RNF220: variants seen among roughly 807,000 people sequenced by gnomAD.
RNF220 encodes ring finger protein 220.
A neutral mutation model predicts 67.1 loss-of-function variants in RNF220; 7 were observed. The observed-to-expected ratio is 0.10, with a 90% confidence interval of 0.06 to 0.20. The LOEUF (loss-of-function observed/expected upper bound fraction) is 0.20, where lower values mean the gene tolerates loss of function less well. Ranked by LOEUF, RNF220 falls within the 10% of genes least tolerant of loss-of-function variation. RNF220 has a pLI of 1.00. For missense variants in RNF220, 565 were observed against 740.3 expected (o/e 0.76, Z 2.75); for synonymous variants, 270 against 283.2 (o/e 0.95, Z 0.47).
chr1:44,506,768 G>A (rs533129546), intron 2 of RNF220, among the ~76,000 whole-genome samples: 1 of 152,328 alleles, frequency 6.6e-6, no homozygotes, highest in South Asian at 2.1e-4. Context: ...GACTTGCCCG[G>A]TGTGGTAAAT....
At chr1:44,614,521 C>T (rs564043066) in intron 3 of RNF220, among the ~76,000 whole-genome samples, 6 of 152,200 alleles carry the variant, frequency 3.9e-5, no homozygotes, top group African/African-American at 1.4e-4. Flanking sequence ...AGTGACCCCG[C>T]AGGCCCCAGC....
chr1:44,458,539 T>G (rs1653432717), intron 2 of RNF220, among the ~76,000 whole-genome samples: 1 of 152,156 alleles, frequency 6.6e-6, no homozygotes, highest in Non-Finnish European at 1.5e-5. Context: ...ATATACTGCC[T>G]GATACATAGT....
intron 2 of RNF220, among the ~76,000 whole-genome samples, chr1:44,545,068 C>A (rs1662010691): frequency 1.3e-5 from 2 of 152,228 alleles, no homozygotes; most frequent in African/African-American, 4.8e-5. Flanking sequence ...GAGCTTACGC[C>A]GTAGTTCTCT....
intron 2 of RNF220, among the ~76,000 whole-genome samples, chr1:44,476,982 G>A (rs919033920): frequency 7.2e-5 from 11 of 152,136 alleles, no homozygotes; most frequent in Non-Finnish European, 1.6e-4. Flanking sequence ...GGCCAAATTG[G>A]TTGGTTAAGC....
At chr1:44,481,939 A>G (rs80225733) in intron 2 of RNF220, among the ~76,000 whole-genome samples, 2,288 of 152,346 alleles carry the variant, frequency 0.015, 79 homozygotes, top group South Asian at 0.13. Context: ...TCTCAGTTGT[A>G]ACAGGAGAGA....
chr1:44,617,774 T>C (rs548541500), intron 3 of RNF220, among the ~76,000 whole-genome samples: 111 of 152,318 alleles, frequency 7.3e-4, no homozygotes, highest in African/African-American at 2.4e-3. Flanking sequence ...AGCCTGTGTG[T>C]GCCTCACTTC....
intron 2 of RNF220, among the ~76,000 whole-genome samples, chr1:44,432,010 C>G (rs1177109215): frequency 1.3e-5 from 2 of 152,222 alleles, no homozygotes; most frequent in Non-Finnish European, 2.9e-5. Flanking sequence ...GAGGGATCCT[C>G]TGTAATATTG....
intron 2 of RNF220, among the ~76,000 whole-genome samples, chr1:44,566,363 C>T (rs1027685484): frequency 3.3e-5 from 5 of 152,008 alleles, no homozygotes; most frequent in African/African-American, 1.2e-4. Flanking sequence ...AGACTAAGTG[C>T]GGAGGGAGGG....
intron 2 of RNF220, among the ~76,000 whole-genome samples, chr1:44,463,703 C>T (rs1654005862): frequency 6.6e-6 from 1 of 152,116 alleles, no homozygotes; most frequent in Non-Finnish European, 1.5e-5. Flanking sequence ...TAATTGGCTT[C>T]CATGTAGACA....
intron 2 of RNF220, among the ~76,000 whole-genome samples, chr1:44,590,428 G>C (rs1558071709): frequency 2.0e-5 from 3 of 152,204 alleles, no homozygotes; most frequent in African/African-American, 7.2e-5. Flanking sequence ...TCCTCTCAGT[G>C]GTACTTTCCC....
intron 8 of RNF220, among the ~76,000 whole-genome samples, chr1:44,641,627 G>A (rs528157946): frequency 2.0e-5 from 3 of 152,322 alleles, no homozygotes; most frequent in South Asian, 4.1e-4. Flanking sequence ...CTTTATGGCC[G>A]TTTCTTTTTA....
chr1:44,620,912 CTTTTT>C (rs71036690), intron 3 of RNF220, among the ~76,000 whole-genome samples: 4 of 126,378 alleles, frequency 3.2e-5, no homozygotes, highest in Non-Finnish European at 3.4e-5. Flanking sequence ...TGTTGTGAAT[CTTTTT>C]TTTTTTTTTT....
At chr1:44,476,152 AG>A (rs1192732453) in intron 2 of RNF220, among the ~76,000 whole-genome samples, 1 of 152,120 alleles carries the variant, frequency 6.6e-6, no homozygotes, top group Non-Finnish European at 1.5e-5. Context: ...TAAAGAAAAT[AG>A]GGACCTGAGG....
chr1:44,613,678 AC>A lies in RNF220; in HGVS notation c.626-485del, dbSNP rs1643416756. On this transcript the variant is annotated intron_variant, in intron 2 of 14. Transcript: ENST00000361799. ...GATGACTTGAGGCCAGGAGTTTGAG[AC>A]CAGCCTGACCAACAAGATGAAATCC... 4.6e-5 allele frequency among the ~76,000 whole-genome samples: 7 copies of A among 152,316 alleles called. No individual in the cohort carries two copies. In the South Asian group the frequency reaches 1.4e-3, roughly 32 times the overall value.
chr1:44,646,492 C>A (rs773202107), intron 12 of RNF220, among the ~76,000 whole-genome samples: 1 of 152,250 alleles, frequency 6.6e-6, no homozygotes, highest in Non-Finnish European at 1.5e-5. Flanking sequence ...TCTGCGCAAC[C>A]AGCTTGTGGT....
At chr1:44,533,546 G>T (rs920455761) in intron 2 of RNF220, among the ~76,000 whole-genome samples, 2 of 152,182 alleles carry the variant, frequency 1.3e-5, no homozygotes, top group African/African-American at 2.4e-5. Context: ...CCAAACTATG[G>T]AATAGATAGA....
intron 2 of RNF220, among the ~76,000 whole-genome samples, chr1:44,428,539 C>CA (rs1206913681): frequency 1.6e-4 from 24 of 152,172 alleles, no homozygotes; most frequent in African/African-American, 5.8e-4. Context: ...TCCTAAATCT[C>CA]AACTTGATGA....
intron 2 of RNF220, among the ~76,000 whole-genome samples, chr1:44,557,591 C>A (rs1663217191): frequency 6.7e-6 from 1 of 150,108 alleles, no homozygotes; most frequent in African/African-American, 2.5e-5. Context: ...ATTCACTGAA[C>A]AAACTGATTA....
intron 2 of RNF220, among the ~76,000 whole-genome samples, chr1:44,587,709 CG>C (rs777954191): frequency 2.1e-4 from 32 of 152,272 alleles, no homozygotes; most frequent in Admixed American, 4.6e-4. Context: ...ACATGTGTTC[CG>C]ATAACTTAAC....
Sources: allele counts gnomAD v4.1 joint callset (sites outside exome capture counted in the v4.1 genomes callset), GRCh38; gene constraint gnomAD v4.1.1; transcripts MANE v1.5; gene names NCBI Gene and HGNC (gene_info 2026-07-23, HGNC 2026-07-21).